Variants in ZNF804B observed in about 807,000 individuals in gnomAD.
The protein encoded by ZNF804B is zinc finger 804B.
Under a neutral mutation model 101.4 loss-of-function variants are expected in ZNF804B, and 80 were observed. The observed-to-expected ratio is 0.79, with a 90% CI of 0.66 to 0.95. The LOEUF (loss-of-function observed/expected upper bound fraction) is 0.95, where lower values mean the gene tolerates loss of function less well. ZNF804B is among the 40% of genes least tolerant of loss of function. ZNF804B has a pLI of 0.00. For missense variants in ZNF804B, 1,673 were observed against 1,561.9 expected, an observed-to-expected ratio of 1.07 and a Z score of -1.20; for synonymous variants, 622 against 558.8, an observed-to-expected ratio of 1.11 and a Z score of -1.59.
intron 1 of ZNF804B, among the ~76,000 whole-genome samples, chr7:88,766,194 T>C (rs1030956268): frequency 2.0e-5 from 3 of 152,104 alleles, no homozygotes; most frequent in African/African-American, 7.2e-5. Flanking sequence ...CCTATAGTCG[T>C]AGCCACTTGG....
chr7:89,145,787 C>A (rs1284937325), intron 1 of ZNF804B, among the ~76,000 whole-genome samples: 2 of 151,988 alleles, frequency 1.3e-5, no homozygotes, highest in African/African-American at 2.4e-5. Context: ...ATAATTGATT[C>A]TGGATCAGTG....
intron 2 of ZNF804B, among the ~76,000 whole-genome samples, chr7:89,227,374 A>G (rs1157282234): frequency 6.6e-6 from 1 of 152,218 alleles, no homozygotes; most frequent in Non-Finnish European, 1.5e-5. Context: ...TTCCTACAAC[A>G]AAAATTGGTC....
intron 2 of ZNF804B, among the ~76,000 whole-genome samples, chr7:89,228,405 G>A (rs1191332560): frequency 1.3e-5 from 2 of 152,096 alleles, no homozygotes; most frequent in African/African-American, 4.8e-5. Flanking sequence ...GTCTGTTTTA[G>A]CAGGGCGCTG....
intron 1 of ZNF804B, among the ~76,000 whole-genome samples, chr7:89,118,491 A>G (rs1023199642): frequency 6.6e-6 from 1 of 152,196 alleles, no homozygotes; most frequent in African/African-American, 2.4e-5. Context: ...TTCAACAGAC[A>G]GTAAAACAGT....
At chr7:89,107,452 A>C (rs959856057) in intron 1 of ZNF804B, among the ~76,000 whole-genome samples, 1 of 152,026 alleles carries the variant, frequency 6.6e-6, no homozygotes, top group African/African-American at 2.4e-5. Flanking sequence ...AGCCACCAAC[A>C]CTCCTTTCTT....
chr7:88,812,180 A>G (rs188867999), intron 1 of ZNF804B, among the ~76,000 whole-genome samples: 21 of 152,318 alleles, frequency 1.4e-4, no homozygotes, highest in Non-Finnish European at 2.6e-4. Flanking sequence ...CCAATAATCC[A>G]TCCCTATGAA....
At chr7:89,089,047 CT>C (rs71297109) in intron 1 of ZNF804B, among the ~76,000 whole-genome samples, 42 of 145,994 alleles carry the variant, frequency 2.9e-4, no homozygotes, top group African/African-American at 7.9e-4. Context: ...CCTTTTTTTC[CT>C]TTTTTTTTCT....
At chr7:89,286,777 A>G (rs544478957) in intron 2 of ZNF804B, among the ~76,000 whole-genome samples, 1 of 152,360 alleles carries the variant, frequency 6.6e-6, no homozygotes, top group East Asian at 1.9e-4. Context: ...CCCTTCTATC[A>G]TATGAGCATT....
At chr7:88,861,498 A>C (rs1001187616) in intron 1 of ZNF804B, among the ~76,000 whole-genome samples, 2 of 152,212 alleles carry the variant, frequency 1.3e-5, no homozygotes, top group Admixed American at 6.5e-5. Context: ...CATTTAATAT[A>C]GGGTGCTTAA....
chr7:89,129,515 G>C (rs966972293), intron 1 of ZNF804B, among the ~76,000 whole-genome samples: 6 of 151,954 alleles, frequency 3.9e-5, no homozygotes, highest in Non-Finnish European at 8.8e-5. Context: ...TCTCTTTCTA[G>C]CTGGACTAAG....
At chr7:89,307,776 A>C (rs1790587406) in intron 2 of ZNF804B, among the ~76,000 whole-genome samples, 1 of 152,080 alleles carries the variant, frequency 6.6e-6, no homozygotes, top group South Asian at 2.1e-4. Flanking sequence ...ATTTGTTTTT[A>C]TAGTTCAGAA....
chr7:89,004,231 A>G lies in ZNF804B; in HGVS notation c.109-213924A>G, dbSNP rs571336918. Reference sequence around the variant, plus strand: ...ATAATACTTAGCCATCATAATTAAAACAGCTACCATTATAAGACAGACCTA... The same window carrying G: ...ATAATACTTAGCCATCATAATTAAAGCAGCTACCATTATAAGACAGACCTA... On this transcript the variant is annotated intron_variant, in intron 1 of 3. Coordinates refer to ENST00000333190, the MANE Select transcript of ZNF804B (RefSeq NM_181646.5). Among the ~76,000 whole-genome samples, 7 of 151,988 alleles carry G rather than the reference A, an allele frequency of 4.6e-5. No individual in the cohort carries two copies. In the East Asian group the frequency reaches 1.4e-3, roughly 29 times the overall value.
rs570059051 is a variant in ZNF804B at position 89,224,184 on chromosome 7, A to G, written c.249+5889A>G. The stretch of plus-strand genomic sequence containing the variant: ...CCTGTACAATTAACCCATAAAAAAT[A>G]TCTTTAATAATAAAAAACAAATCCA... On this transcript the variant is annotated intron_variant, in intron 2 of 3. Transcript: ENST00000333190. Among the ~76,000 whole-genome samples, 12 of 152,124 alleles carry G rather than the reference A, an allele frequency of 7.9e-5. No individual in the cohort carries two copies. In the East Asian group the frequency reaches 1.5e-3, roughly 20 times the overall value.
At chr7:88,776,783 C>CA (rs1307851921) in intron 1 of ZNF804B, among the ~76,000 whole-genome samples, 3 of 77,810 alleles carry the variant, frequency 3.9e-5, no homozygotes, top group Non-Finnish European at 6.7e-5. Context: ...CCCATAAACC[C>CA]CCCCCCCCAC....
intron 1 of ZNF804B, among the ~76,000 whole-genome samples, chr7:89,102,959 A>G (rs79416575): frequency 0.023 from 2,944 of 129,490 alleles, 37 homozygotes; most frequent in Middle Eastern, 0.046. Flanking sequence ...CCAATTGTTT[A>G]TTTTTGTTGA....
intron 1 of ZNF804B, among the ~76,000 whole-genome samples, chr7:88,911,205 G>A (rs1271068036): frequency 3.3e-5 from 5 of 151,836 alleles, no homozygotes; most frequent in African/African-American, 1.2e-4. Flanking sequence ...AGTGCGAAAG[G>A]ACATTTGCAG....
At chr7:88,782,613 T>C (rs1173649214) in intron 1 of ZNF804B, among the ~76,000 whole-genome samples, 1 of 152,194 alleles carries the variant, frequency 6.6e-6, no homozygotes, top group Non-Finnish European at 1.5e-5. Context: ...GATATTTTGA[T>C]GCTTCTTGTA....
chr7:89,137,691 G>A (rs1790658424), intron 1 of ZNF804B, among the ~76,000 whole-genome samples: 1 of 152,130 alleles, frequency 6.6e-6, no homozygotes, highest in Non-Finnish European at 1.5e-5. Flanking sequence ...GCCTGACAAT[G>A]TGATAGAAAA....
chr7:88,788,207 T>G (rs1790330952), intron 1 of ZNF804B, among the ~76,000 whole-genome samples: 1 of 152,048 alleles, frequency 6.6e-6, no homozygotes, highest in Admixed American at 6.6e-5. Context: ...AGGTGGAATT[T>G]GGTGTAGTAG....
Sources: gnomAD v4.1 joint callset for allele counts (sites outside exome capture counted in the v4.1 genomes callset) on GRCh38, gnomAD v4.1.1 for gene constraint, MANE v1.5 for transcripts, NCBI Gene and HGNC (gene_info 2026-07-23, HGNC 2026-07-21) for gene names.